EFNA5: variants seen among roughly 807,000 people sequenced by gnomAD.
EFNA5 encodes the protein ephrin-A5.
Under a neutral mutation model 22.9 loss-of-function variants are expected in EFNA5, and 5 were observed. The observed-to-expected ratio is 0.22, with a 90% CI of 0.11 to 0.46. The LOEUF is 0.46. EFNA5 is among the 20% of genes least tolerant of loss of function. The pLI is 0.99. For synonymous variants in EFNA5, 113 were observed against 112.2 expected (o/e 1.01, Z -0.04); for missense variants, 237 against 293.3 (o/e 0.81, Z 1.40).
At chr5:107,549,314 A>G (rs1748234930) in intron 1 of EFNA5, among the ~76,000 whole-genome samples, 1 of 152,220 alleles carries the variant, frequency 6.6e-6, no homozygotes, top group Non-Finnish European at 1.5e-5. Flanking sequence ...ATTAATCAGG[A>G]AAGAATTACA....
At chr5:107,633,863 T>C (rs1561455299) in intron 1 of EFNA5, among the ~76,000 whole-genome samples, 1 of 152,312 alleles carries the variant, frequency 6.6e-6, no homozygotes, top group Middle Eastern at 3.4e-3. Context: ...CAAAGAACTT[T>C]TCTTTCTTTC....
At chr5:107,519,589 A>G (rs548104174) in intron 1 of EFNA5, among the ~76,000 whole-genome samples, 1 of 152,246 alleles carries the variant, frequency 6.6e-6, no homozygotes, top group African/African-American at 2.4e-5. Flanking sequence ...GGTCTTTGAA[A>G]GAGTGTCTTC....
intron 1 of EFNA5, among the ~76,000 whole-genome samples, chr5:107,541,951 G>A (rs1748057674): frequency 6.6e-6 from 1 of 152,080 alleles, no homozygotes; most frequent in Non-Finnish European, 1.5e-5. Flanking sequence ...TATCTGTGTT[G>A]TTGAAGAATA....
At chr5:107,657,311 A>G (rs1750847688) in intron 1 of EFNA5, among the ~76,000 whole-genome samples, 1 of 152,146 alleles carries the variant, frequency 6.6e-6, no homozygotes. Context: ...CATATAGCAT[A>G]GTTCTTTTTT....
chr5:107,465,155 C>G (rs1332321032), intron 1 of EFNA5, among the ~76,000 whole-genome samples: 2 of 151,890 alleles, frequency 1.3e-5, no homozygotes, highest in Admixed American at 1.3e-4. Context: ...GACAGCAAAG[C>G]TTTTCATTTT....
At chr5:107,442,923 A>G (rs1007887093) in intron 1 of EFNA5, among the ~76,000 whole-genome samples, 1 of 130,302 alleles carries the variant, frequency 7.7e-6, no homozygotes, top group African/African-American at 3.0e-5. Flanking sequence ...AAAGTTCCCC[A>G]GGTACTAAAA....
chr5:107,553,908 C>A (rs1748353408), intron 1 of EFNA5, among the ~76,000 whole-genome samples: 2 of 152,110 alleles, frequency 1.3e-5, no homozygotes, highest in Non-Finnish European at 2.9e-5. Flanking sequence ...AAAAAGACAA[C>A]CCCACACCTA....
chr5:107,564,520 C>T (rs540697344), intron 1 of EFNA5, among the ~76,000 whole-genome samples: 10 of 152,216 alleles, frequency 6.6e-5, no homozygotes, highest in Non-Finnish European at 1.3e-4. Context: ...CCAAAAGCAC[C>T]TAACTCATAA....
At chr5:107,578,990 G>C (rs1195311248) in intron 1 of EFNA5, among the ~76,000 whole-genome samples, 1 of 151,984 alleles carries the variant, frequency 6.6e-6, no homozygotes, top group Admixed American at 6.6e-5. Flanking sequence ...TTTAATGGAG[G>C]AAAGGACCCA....
chr5:107,476,057 T>TATATATATATATATATATATATATA, intron 1 of EFNA5, among the ~76,000 whole-genome samples: 25 of 100,372 alleles, frequency 2.5e-4, no homozygotes, highest in African/African-American at 5.5e-4. Context: ...TATATATATA[T>TATATATATATATATATATATATATA]TTTTTTTTTT....
At chr5:107,445,424 C>T (rs1749365518) in intron 1 of EFNA5, among the ~76,000 whole-genome samples, 1 of 152,172 alleles carries the variant, frequency 6.6e-6, no homozygotes, top group African/African-American at 2.4e-5. Context: ...TATAACTATT[C>T]CTTCTGGTTT....
intron 1 of EFNA5, among the ~76,000 whole-genome samples, chr5:107,452,348 A>T (rs1749583739): frequency 6.6e-6 from 1 of 152,128 alleles, no homozygotes; most frequent in Admixed American, 6.5e-5. Context: ...TAGAAAAAAA[A>T]AGTCAGACTT....
intron 1 of EFNA5, among the ~76,000 whole-genome samples, chr5:107,437,703 A>G (rs1471906869): frequency 6.7e-6 from 1 of 149,886 alleles, no homozygotes; most frequent in Non-Finnish European, 1.5e-5. Flanking sequence ...ATGAAGAGGA[A>G]TGTAGCTGAA....
chr5:107,523,437 T>C (rs1365016065), intron 1 of EFNA5, among the ~76,000 whole-genome samples: 1 of 152,188 alleles, frequency 6.6e-6, no homozygotes, highest in Non-Finnish European at 1.5e-5. Context: ...GCCAGCCCTT[T>C]GTGCAAACAC....
chr5:107,561,082 T>A (rs1387057234), intron 1 of EFNA5, among the ~76,000 whole-genome samples: 5 of 152,200 alleles, frequency 3.3e-5, no homozygotes, highest in African/African-American at 1.2e-4. Flanking sequence ...CCCTGTTCAC[T>A]ATCCTAGGTT....
chr5:107,484,313 G>A (rs529809012), intron 1 of EFNA5, among the ~76,000 whole-genome samples: 2 of 152,272 alleles, frequency 1.3e-5, no homozygotes, highest in East Asian at 1.9e-4. Flanking sequence ...TCTCCAAGCC[G>A]CTGTTCCCAC....
At chr5:107,640,302 G>A (rs1015701336) in intron 1 of EFNA5, among the ~76,000 whole-genome samples, 1 of 151,890 alleles carries the variant, frequency 6.6e-6, no homozygotes, top group Non-Finnish European at 1.5e-5. Flanking sequence ...GCTTCCAGAA[G>A]TATGAGAAGA....
At chr5:107,387,930 T>G (rs530416686) in intron 2 of EFNA5, among the ~76,000 whole-genome samples, 159 bp from the exon 3 acceptor site, 53 of 152,344 alleles carry the variant, frequency 3.5e-4, no homozygotes, top group African/African-American at 1.3e-3. Context: ...ACAGTACTTT[T>G]CAGGTCTCAC....
At chr5:107,597,252 T>C (rs1168422784) in intron 1 of EFNA5, among the ~76,000 whole-genome samples, 1 of 152,172 alleles carries the variant, frequency 6.6e-6, no homozygotes, top group East Asian at 1.9e-4. Flanking sequence ...GTCCTATATA[T>C]CTACATACCA....
Sources: gnomAD v4.1 joint callset for allele counts (sites outside exome capture counted in the v4.1 genomes callset) on GRCh38, gnomAD v4.1.1 for gene constraint, MANE v1.5 for transcripts, NCBI Gene and HGNC (gene_info 2026-07-23, HGNC 2026-07-21) for gene names.